The following RAB40B variants were observed in gnomAD, a reference collection of about 807,000 sequenced individuals.
The protein encoded by RAB40B is ras-related protein Rab-40B.
Under a neutral mutation model 24.0 loss-of-function variants are expected in RAB40B, and 21 were observed. The ratio of observed to expected loss-of-function variants is 0.88; its 90% CI spans 0.62 to 1.26. RAB40B has a LOEUF of 1.26. Among genes scored for constraint, RAB40B ranks in the 50% most tolerant of loss-of-function variants. The probability of loss-of-function intolerance (pLI) is 0.00; values close to 1 mark genes in which losing one functional copy is unlikely to be tolerated. For synonymous variants in RAB40B, 167 were observed against 169.8 expected (o/e 0.98, Z 0.13); for missense variants, 348 against 390.5 (o/e 0.89, Z 0.92).
intron 1 of RAB40B, among the ~76,000 whole-genome samples, chr17:82,674,015 T>A (rs888304624): frequency 6.6e-6 from 1 of 152,222 alleles, no homozygotes; most frequent in African/African-American, 2.4e-5. Context: ...TCTTTCTTAT[T>A]TTGTGACTAT....
Position 82,659,697 on chromosome 17 carries a change from T to C in RAB40B, c.265-40A>G. 5.1e-6 allele frequency: 8 copies of C among 1,556,728 alleles called. No individual in the cohort carries two copies. In the South Asian group the frequency reaches 5.6e-5, roughly 11 times the overall value. Reference sequence around the variant, plus strand: ...ACAGGCTCAGCACGCAGAACACAGATGCAGGCACAGCTGTGGCCATGCACG... The same window carrying C: ...ACAGGCTCAGCACGCAGAACACAGACGCAGGCACAGCTGTGGCCATGCACG... On this transcript the variant is annotated intron_variant, in intron 3 of 5. Coordinates refer to ENST00000571995, the MANE Select transcript of RAB40B (RefSeq NM_006822.3).
chr17:82,698,483 C>G lies in RAB40B; in HGVS notation c.114G>C (p.Ala38=). Residue 38 remains alanine, a synonymous_variant, in exon 1 of 6, where the codon GCG becomes GCC. Transcript: ENST00000571995. ...CCGGGTGGCCGTACGGGGACTCGGCCGCGCCATCCTGCAGGCTCGCCAGGA... is the reference window on the plus strand; with the variant it reads ...CCGGGTGGCCGTACGGGGACTCGGCGGCGCCATCCTGCAGGCTCGCCAGGA... ...GEILASLQDG[A]AESPYGHPAG... The G allele has an allele frequency of 6.7e-7, 1 of 1,496,484 alleles. No homozygotes were observed. Among genetic ancestry groups the G allele is most frequent in the Non-Finnish European group, 9.0e-7 (1 of 1,114,908 alleles). The allele number at this position is 1,496,484 out of a possible 1,614,324, so 92.7% of individuals were successfully genotyped here.
At chr17:82,660,551 C>A (rs1021620482) in intron 3 of RAB40B, among the ~76,000 whole-genome samples, 1 of 151,352 alleles carries the variant, frequency 6.6e-6, no homozygotes, top group East Asian at 1.9e-4. Context: ...CCTACACACA[C>A]GTGTACACAC....
intron 2 of RAB40B, chr17:82,662,788 C>T (rs1314030936): frequency 1.0e-5 from 10 of 985,280 alleles, no homozygotes; most frequent in Non-Finnish European, 1.2e-5. Context: ...GTTCGGCCCA[C>T]TGGGCAGCTG....
At chr17:82,676,972 G>A (rs144674283) in intron 1 of RAB40B, among the ~76,000 whole-genome samples, 2,468 of 144,568 alleles carry the variant, frequency 0.017, 24 homozygotes, top group Middle Eastern at 0.033. Flanking sequence ...TTTCTGAGAC[G>A]GAGTCTCACT....
At position 82,698,435 on chromosome 17, in the gene RAB40B, C is replaced by T. The variant is rs2046635782; in HGVS notation, c.142+20G>A. The T allele has an allele frequency of 7.3e-7, 1 of 1,366,500 alleles. No homozygotes were observed. 84.6% of individuals were successfully genotyped at this position (1,366,500 alleles called of 1,614,324 possible). A position where few individuals can be genotyped will look rare whatever the true frequency, so the allele number is the denominator to read the frequency against. On this transcript the variant is annotated intron_variant, in intron 1 of 5. Coordinates refer to ENST00000571995, the MANE Select transcript of RAB40B (RefSeq NM_006822.3). ...CCGGCCCCGCGCCCGCACCCCGGCA[C>T]GCCCTCCGCCCGCGCTCACCCGCCG...
intron 1 of RAB40B, among the ~76,000 whole-genome samples, chr17:82,680,916 G>A (rs1271272382): frequency 2.0e-5 from 3 of 147,838 alleles, no homozygotes; most frequent in Non-Finnish European, 3.0e-5. Context: ...TGTAGTCCCA[G>A]CTACTCAGGA....
Position 82,660,973 on chromosome 17 carries a change from G to A in RAB40B, c.264+14C>T, listed in dbSNP as rs1457199382. On this transcript the variant is annotated intron_variant, in intron 3 of 5. Coordinates refer to ENST00000571995, the MANE Select transcript of RAB40B (RefSeq NM_006822.3). ...AGTTGGTTTGATCTCCCAGCTCGGG[G>A]GATGCTGTGTTACCTGTGCGCCCCG... The A allele has an allele frequency of 6.2e-7, 1 of 1,612,994 alleles. No homozygotes were observed. Among genetic ancestry groups the A allele is most frequent in the Non-Finnish European group, 8.5e-7 (1 of 1,179,332 alleles).
Position 82,661,850 on chromosome 17 carries a change from G to A in RAB40B, c.204-803C>T. On this transcript the variant is annotated intron_variant, in intron 2 of 5. Transcript: ENST00000571995. ...TGCAGTGAGCTGATATCGTGCCACT[G>A]CACTCCAGCCTGGGAGACAGAGTGA... 7.7e-6 allele frequency: 7 copies of A among 904,936 alleles called. No homozygotes were observed. The South Asian group carries it at 3.6e-4, about 47-fold the overall frequency. 56.1% of individuals were successfully genotyped at this position (904,936 alleles called of 1,614,324 possible).
chr17:82,671,274 C>A (rs867686885), intron 1 of RAB40B, among the ~76,000 whole-genome samples: 10 of 150,894 alleles, frequency 6.6e-5, no homozygotes, highest in Admixed American at 6.6e-5. Context: ...CACACAGTCA[C>A]ACATCCTGTA....
intron 1 of RAB40B, among the ~76,000 whole-genome samples, chr17:82,668,778 C>T (rs557124943): frequency 2.0e-4 from 31 of 152,360 alleles, no homozygotes; most frequent in African/African-American, 7.5e-4. Flanking sequence ...TAGAGCTGCC[C>T]CAGGGCAGCG....
Position 82,689,728 on chromosome 17 carries a change from G to A in RAB40B, c.142+8727C>T, listed in dbSNP as rs968755115. 8.5e-5 allele frequency among the ~76,000 whole-genome samples: 13 copies of A among 152,190 alleles called. No individual in the cohort carries two copies. In the South Asian group the frequency reaches 1.2e-3, roughly 15 times the overall value. On this transcript the variant is annotated intron_variant, in intron 1 of 5. Transcript: ENST00000571995. ...TCACACCTGTAATCCCAGCACTTTC[G>A]GAGGCCAAGGCGGGTGGATCACGAG...
chr17:82,689,829 G>A (rs920222946), intron 1 of RAB40B, among the ~76,000 whole-genome samples: 1 of 152,056 alleles, frequency 6.6e-6, no homozygotes, highest in African/African-American at 2.4e-5. Flanking sequence ...TTAGCTGGAC[G>A]TGATGGTGGG....
intron 1 of RAB40B, among the ~76,000 whole-genome samples, chr17:82,684,468 C>T (rs1421513262): frequency 1.3e-5 from 2 of 152,150 alleles, no homozygotes; most frequent in African/African-American, 2.4e-5. Context: ...CAAGTTCGCA[C>T]AAAAACGAGT....
intron 1 of RAB40B, among the ~76,000 whole-genome samples, chr17:82,689,175 C>T (rs1404751852): frequency 6.6e-6 from 1 of 152,276 alleles, no homozygotes; most frequent in Non-Finnish European, 1.5e-5. Flanking sequence ...CCACTGTCTT[C>T]ACTCCAAATG....
intron 1 of RAB40B, among the ~76,000 whole-genome samples, chr17:82,687,943 G>C (rs1328539615): frequency 6.6e-6 from 1 of 152,014 alleles, no homozygotes; most frequent in African/African-American, 2.4e-5. Context: ...ATGGTGGCAT[G>C]CACCTATAGT....
rs367586370 is a variant in RAB40B, at chr17:82,658,571, T to C, written c.485A>G (p.Asn162Ser). The change falls in exon 5 of 6, where the codon AAC becomes AGC. Residue 162 changes from asparagine to serine, a missense_variant. Around this residue, in one of 3 missense-constraint regions of RAB40B, gnomAD observed 126 missense variants for 181.0 expected, o/e 0.70. Transcript: ENST00000571995. Reference protein sequence around the residue: ...FFEVSPLCNFNITESFTELAR... With the variant: ...FFEVSPLCNFSITESFTELAR... ...CAGCTCCGTGAACGACTCTGTGATG[T>C]TGAAATTGCACAGAGGGCTGACCTC... 2.5e-6 allele frequency: 4 copies of C among 1,613,296 alleles called. No individual in the cohort carries two copies. The African/African-American group carries it at 4.0e-5, about 16-fold the overall frequency.
chr17:82,659,515 A>T, intron 4 of RAB40B, 65 bp downstream of exon 4: 1 of 1,546,746 alleles, frequency 6.5e-7, no homozygotes, highest in Non-Finnish European at 8.9e-7. Flanking sequence ...GCCCGGCCCT[A>T]ATTCCTGGCC....
rs1386644076 is a variant in RAB40B, at chr17:82,697,348, T to C, written c.142+1107A>G. ...CCGAGCAGCCTCAGATCCCGCTTCCTCCCACCCTCTCCCGCTAAGTTCGTC... is the reference window on the plus strand; with the variant it reads ...CCGAGCAGCCTCAGATCCCGCTTCCCCCCACCCTCTCCCGCTAAGTTCGTC... On this transcript the variant is annotated intron_variant, in intron 1 of 5. Transcript: ENST00000571995. The surrounding 1 kb of genome is among the most constrained non-coding windows in gnomAD (Gnocchi z 4.9). Among the ~76,000 whole-genome samples the C allele has an allele frequency of 1.3e-5, 2 of 152,020 alleles. No homozygotes were observed. The highest frequency in any genetic ancestry group is 1.5e-5 in the Non-Finnish European group (1 of 67,972).
Sources: allele counts gnomAD v4.1 joint callset (sites outside exome capture counted in the v4.1 genomes callset), GRCh38; gene constraint gnomAD v4.1.1; regional missense constraint gnomAD v4.1.1; non-coding constraint Gnocchi (gnomAD v3.1); transcripts MANE v1.5; gene names NCBI Gene and HGNC (gene_info 2026-07-23, HGNC 2026-07-21).